The following PARVA variants were observed in gnomAD, a reference collection of about 807,000 sequenced individuals.
The protein encoded by PARVA is alpha-parvin.
Under a neutral mutation model 52.6 loss-of-function variants are expected in PARVA, and 25 were observed. The observed-to-expected ratio is 0.48, with a 90% CI of 0.35 to 0.66. The LOEUF (loss-of-function observed/expected upper bound fraction) is 0.66, where lower values mean the gene tolerates loss of function less well. PARVA is among the 30% of genes least tolerant of loss of function. The probability of loss-of-function intolerance (pLI) is 0.01; values close to 1 mark genes in which losing one functional copy is unlikely to be tolerated. For synonymous variants in PARVA, 185 were observed against 179.1 expected (o/e 1.03, Z -0.26); for missense variants, 373 against 450.9 (o/e 0.83, Z 1.56).
chr11:12,438,026 C>T (rs751068750), intron 1 of PARVA, among the ~76,000 whole-genome samples: 2 of 151,980 alleles, frequency 1.3e-5, no homozygotes, highest in Non-Finnish European at 2.9e-5. Flanking sequence ...TTTGGGAGGC[C>T]GAGGCGGGTG....
chr11:12,518,844 G>C (rs940131175), intron 12 of PARVA, among the ~76,000 whole-genome samples: 1 of 152,224 alleles, frequency 6.6e-6, no homozygotes, highest in Admixed American at 6.5e-5. Flanking sequence ...CCAAAGAGCT[G>C]TGTCCCCGCC....
intron 1 of PARVA, among the ~76,000 whole-genome samples, chr11:12,463,946 A>T (rs1047660370): frequency 6.7e-6 from 1 of 148,346 alleles, no homozygotes; most frequent in Admixed American, 6.7e-5. Context: ...AGCTCTTTCA[A>T]TCAGCTCCTG....
intron 6 of PARVA, among the ~76,000 whole-genome samples, chr11:12,505,924 A>G (rs900402251): frequency 1.3e-5 from 2 of 152,238 alleles, no homozygotes; most frequent in African/African-American, 2.4e-5. Context: ...ACATGTCACT[A>G]TACATTTGTC....
At chr11:12,469,158 C>A (rs1940896533) in intron 1 of PARVA, among the ~76,000 whole-genome samples, 1 of 152,128 alleles carries the variant, frequency 6.6e-6, no homozygotes, top group African/African-American at 2.4e-5. Flanking sequence ...AGGAGGTTAA[C>A]CTACTTACAT....
chr11:12,418,580 G>A (rs1940103366), intron 1 of PARVA, among the ~76,000 whole-genome samples: 1 of 152,130 alleles, frequency 6.6e-6, no homozygotes, highest in Non-Finnish European at 1.5e-5. Flanking sequence ...CCCAGTTCAT[G>A]GTCTGGGCCA....
chr11:12,435,924 C>T (rs1167380685), intron 1 of PARVA, among the ~76,000 whole-genome samples: 2 of 152,086 alleles, frequency 1.3e-5, no homozygotes, highest in South Asian at 2.1e-4. Context: ...TTCAAGTTTC[C>T]GGATTCACCT....
intron 1 of PARVA, among the ~76,000 whole-genome samples, chr11:12,432,410 A>G (rs1403685600): frequency 2.0e-5 from 3 of 152,248 alleles, no homozygotes; most frequent in Non-Finnish European, 2.9e-5. Flanking sequence ...CTAATTGAAG[A>G]TGAATGCTGA....
chr11:12,402,128 G>A (rs1219263336), intron 1 of PARVA, among the ~76,000 whole-genome samples: 4 of 152,194 alleles, frequency 2.6e-5, no homozygotes, highest in Admixed American at 2.6e-4. Context: ...TACAAAGAGT[G>A]GGTTTGAAGG....
chr11:12,425,067 T>G (rs1019890186), intron 1 of PARVA, among the ~76,000 whole-genome samples: 8 of 152,218 alleles, frequency 5.3e-5, no homozygotes, highest in African/African-American at 1.9e-4. Context: ...AGATCTTATT[T>G]ATATAACATA....
intron 1 of PARVA, among the ~76,000 whole-genome samples, chr11:12,469,653 A>G (rs1389199930): frequency 6.6e-6 from 1 of 152,268 alleles, no homozygotes; most frequent in Admixed American, 6.5e-5. Flanking sequence ...GGCAGTTTGC[A>G]TATTCACTTT....
At chr11:12,435,060 A>C (rs1264540849) in intron 1 of PARVA, among the ~76,000 whole-genome samples, 1 of 152,166 alleles carries the variant, frequency 6.6e-6, no homozygotes, top group Non-Finnish European at 1.5e-5. Context: ...TTCATACACC[A>C]AACTGCCGTC....
chr11:12,452,291 A>G (rs999284523), intron 1 of PARVA, among the ~76,000 whole-genome samples: 3 of 152,184 alleles, frequency 2.0e-5, no homozygotes, highest in African/African-American at 7.2e-5. Context: ...TCCTTAATGC[A>G]TGCCTAAGAT....
intron 1 of PARVA, among the ~76,000 whole-genome samples, chr11:12,382,051 G>A (rs547832153): frequency 5.6e-4 from 86 of 152,324 alleles, no homozygotes; most frequent in African/African-American, 2.0e-3. Flanking sequence ...AACTGTTCAC[G>A]TGGAGATGAT....
intron 1 of PARVA, among the ~76,000 whole-genome samples, chr11:12,420,129 G>A (rs1205243795): frequency 6.6e-6 from 1 of 152,162 alleles, no homozygotes; most frequent in African/African-American, 2.4e-5. Flanking sequence ...AGGCATTCAT[G>A]GCTCTAGACA....
chr11:12,467,343 C>A (rs1027179186), intron 1 of PARVA, among the ~76,000 whole-genome samples: 2 of 152,124 alleles, frequency 1.3e-5, no homozygotes, highest in Non-Finnish European at 2.9e-5. Context: ...CAATTTCTTC[C>A]TTCCCAATCT....
At chr11:12,384,229 G>A (rs726703) in intron 1 of PARVA, among the ~76,000 whole-genome samples, 9,489 of 152,198 alleles carry the variant, frequency 0.062, 936 homozygotes, top group African/African-American at 0.21. Context: ...TTTGGAGAAA[G>A]TCTCCTGATA....
At chr11:12,400,607 AT>A (rs1272728061) in intron 1 of PARVA, among the ~76,000 whole-genome samples, 1 of 150,364 alleles carries the variant, frequency 6.7e-6, no homozygotes, top group Non-Finnish European at 1.5e-5. Context: ...TAGCAAGTGT[AT>A]GGGACTTTTC....
intron 4 of PARVA, among the ~76,000 whole-genome samples, chr11:12,485,729 T>A (rs1054077806): frequency 2.0e-5 from 3 of 151,986 alleles, no homozygotes; most frequent in Admixed American, 1.3e-4. Context: ...AGGTGGCAAT[T>A]AATTCCACAA....
chr11:12,444,099 AC>A (rs1940510518), intron 1 of PARVA, among the ~76,000 whole-genome samples: 2 of 151,198 alleles, frequency 1.3e-5, no homozygotes, highest in Admixed American at 6.6e-5. Flanking sequence ...CCACCCCCTA[AC>A]CCCCCAGCAT....
Sources: allele counts gnomAD v4.1 joint callset (sites outside exome capture counted in the v4.1 genomes callset), GRCh38; gene constraint gnomAD v4.1.1; transcripts MANE v1.5; gene names NCBI Gene and HGNC (gene_info 2026-07-23, HGNC 2026-07-21).